NRXN3: variants seen among roughly 807,000 people sequenced by gnomAD.
NRXN3 encodes the protein neurexin 3.
In NRXN3, 32 loss-of-function variants were observed where a neutral mutation model predicts 137.6. The ratio of observed to expected loss-of-function variants is 0.23; its 90% confidence interval spans 0.18 to 0.31. The LOEUF is 0.31. Ranked by LOEUF, NRXN3 falls within the 10% of genes least tolerant of loss-of-function variation. The pLI is 1.00. For synonymous variants in NRXN3, 798 were observed against 784.5 expected, an observed-to-expected ratio of 1.02 and a Z score of -0.29; for missense variants, 1,574 against 2,062.5, an observed-to-expected ratio of 0.76 and a Z score of 4.59.
intron 9 of NRXN3, among the ~76,000 whole-genome samples, chr14:78,807,599 G>A (rs1301339651): frequency 6.6e-6 from 1 of 151,890 alleles, no homozygotes; most frequent in African/African-American, 2.4e-5. Context: ...CCTGGGCTTG[G>A]TGGTGCGTGC....
At chr14:78,654,148 C>T (rs2097768147) in intron 6 of NRXN3, among the ~76,000 whole-genome samples, 1 of 152,260 alleles carries the variant, frequency 6.6e-6, no homozygotes, top group South Asian at 2.1e-4. Flanking sequence ...TTTCTGTGGG[C>T]AGGTCTATGG....
At chr14:79,776,757 A>C (rs1222603674) in intron 19 of NRXN3, among the ~76,000 whole-genome samples, 1 of 152,216 alleles carries the variant, frequency 6.6e-6, no homozygotes, top group African/African-American at 2.4e-5. Context: ...CATGAAGGGC[A>C]TGAAGGAAGG....
intron 10 of NRXN3, among the ~76,000 whole-genome samples, chr14:78,866,767 C>T (rs988571224): frequency 1.3e-5 from 2 of 151,028 alleles, no homozygotes; most frequent in Non-Finnish European, 2.9e-5. Flanking sequence ...AAAATACTAC[C>T]ATGTTGCATG....
intron 16 of NRXN3, among the ~76,000 whole-genome samples, chr14:79,490,542 T>C (rs891953349): frequency 3.9e-5 from 6 of 152,130 alleles, no homozygotes; most frequent in Non-Finnish European, 8.8e-5. Flanking sequence ...GAGAACATTA[T>C]GTTAAGTGAA....
rs118103782 is a variant in NRXN3, at chr14:78,874,920, C to T, written c.2275+64576C>T. Reference sequence around the variant, plus strand: ...ATCTGTCCCACCAGGGTGTCAAGTCCGAGAGTGAGAATCCATCAATTAAAC... The same window carrying T: ...ATCTGTCCCACCAGGGTGTCAAGTCTGAGAGTGAGAATCCATCAATTAAAC... On this transcript the variant is annotated intron_variant, in intron 10 of 20. Transcript: ENST00000335750. Among the ~76,000 whole-genome samples, 56 of 152,198 alleles carry T rather than the reference C, an allele frequency of 3.7e-4. No homozygotes were observed. In the East Asian group the frequency reaches 8.7e-3, roughly 24 times the overall value.
At chr14:79,447,710 T>TGAG (rs2096086631) in intron 15 of NRXN3, among the ~76,000 whole-genome samples, 1 of 152,204 alleles carries the variant, frequency 6.6e-6, no homozygotes, top group Non-Finnish European at 1.5e-5. Flanking sequence ...AGGAAGTGCT[T>TGAG]TTACACCTTT....
chr14:79,259,835 C>T (rs1242371175), intron 15 of NRXN3, among the ~76,000 whole-genome samples: 1 of 151,734 alleles, frequency 6.6e-6, no homozygotes, highest in Non-Finnish European at 1.5e-5. Flanking sequence ...GGGTCATCTA[C>T]ATGGAGCACT....
chr14:79,028,744 G>T (rs1237205477), intron 15 of NRXN3, among the ~76,000 whole-genome samples: 2 of 152,094 alleles, frequency 1.3e-5, no homozygotes, highest in African/African-American at 4.8e-5. Flanking sequence ...GTCATTGGTT[G>T]GAGTTTCAGG....
chr14:79,165,134 A>C (rs1437846052), intron 15 of NRXN3, among the ~76,000 whole-genome samples: 1 of 151,994 alleles, frequency 6.6e-6, no homozygotes, highest in Non-Finnish European at 1.5e-5. Context: ...GTTATTGCCT[A>C]GTAAGAGATG....
At chr14:78,256,461 A>C (rs1417672730) in intron 2 of NRXN3, among the ~76,000 whole-genome samples, 1 of 152,242 alleles carries the variant, frequency 6.6e-6, no homozygotes, top group Non-Finnish European at 1.5e-5. Context: ...TATCAGGAGC[A>C]TGTGCCAGCA....
chr14:78,788,950 T>C (rs909497377), intron 8 of NRXN3, among the ~76,000 whole-genome samples: 1 of 152,170 alleles, frequency 6.6e-6, no homozygotes, highest in Admixed American at 6.5e-5. Flanking sequence ...TGATTCTGAA[T>C]GGGAGGCTGA....
At position 78,363,269 on chromosome 14, in the gene NRXN3, G is replaced by A. The variant is rs542003655; in HGVS notation, c.757+65409G>A. Among the ~76,000 whole-genome samples, 181 of 152,282 alleles carry A rather than the reference G, an allele frequency of 1.2e-3. 1 individual carries two copies. The highest frequency in any genetic ancestry group is 1.0e-3 in the Non-Finnish European group (71 of 68,018). ...ATGAAGCACTCCTCTAACCTCTGAT[G>A]TAGGTAAGCACTTGCCAAGCCTAGC... is the stretch of plus-strand genomic sequence containing the variant. On this transcript the variant is annotated intron_variant, in intron 4 of 20. Transcript: ENST00000335750.
At chr14:78,790,443 TC>T (rs2098801907) in intron 8 of NRXN3, among the ~76,000 whole-genome samples, 1 of 152,144 alleles carries the variant, frequency 6.6e-6, no homozygotes, top group Admixed American at 6.5e-5. Context: ...TCACCCCACA[TC>T]CATTTTGTTG....
chr14:79,026,780 A>G (rs970260638), intron 15 of NRXN3, among the ~76,000 whole-genome samples: 1 of 151,950 alleles, frequency 6.6e-6, no homozygotes, highest in African/African-American at 2.4e-5. Context: ...TCAGCTCTAC[A>G]GTCCTATCAC....
At chr14:79,604,391 T>C (rs1347789911) in intron 16 of NRXN3, among the ~76,000 whole-genome samples, 1 of 150,842 alleles carries the variant, frequency 6.6e-6, no homozygotes, top group Non-Finnish European at 1.5e-5. Context: ...CCTGCCACCA[T>C]GCCCAGCTAA....
chr14:78,566,443 G>A (rs2096836821), intron 4 of NRXN3, among the ~76,000 whole-genome samples: 1 of 151,620 alleles, frequency 6.6e-6, no homozygotes, highest in African/African-American at 2.4e-5. Context: ...ATCAGCAGCT[G>A]AGTAAGGGAA....
rs1445138089 is a variant in NRXN3, at chr14:79,666,341, T to G, written c.3616+2392T>G. Among the ~76,000 whole-genome samples, 21 of 152,106 alleles carry G rather than the reference T, an allele frequency of 1.4e-4. 1 individual carries two copies. Among genetic ancestry groups the G allele is most frequent in the Admixed American group, 1.4e-3 (21 of 15,248 alleles). On this transcript the variant is annotated intron_variant, in intron 17 of 20. Coordinates refer to ENST00000335750, the MANE Select transcript of NRXN3 (RefSeq NM_001330195.2). ...GTGAAGATTAAGTGAGTTGACCACA[T>G]GTATAATGCTGGGACAATTAAGTCA...
chr14:78,629,745 G>A lies in NRXN3; in HGVS notation c.758-15375G>A, dbSNP rs142006378. On this transcript the variant is annotated intron_variant, in intron 4 of 20. Coordinates refer to ENST00000335750, the MANE Select transcript of NRXN3 (RefSeq NM_001330195.2). ...TGATAATGAGCTAGATGACTGTGAG[G>A]TGCTATGGAATCTCAAAGACTCTTC... Among the ~76,000 whole-genome samples, 273 of 152,316 alleles carry A rather than the reference G, an allele frequency of 1.8e-3. 1 individual carries two copies. In the Middle Eastern group the frequency reaches 0.031, roughly 17 times the overall value.
At position 78,343,776 on chromosome 14, in the gene NRXN3, G is replaced by A. The variant is rs535025707; in HGVS notation, c.757+45916G>A. Among the ~76,000 whole-genome samples the A allele has an allele frequency of 2.0e-5, 3 of 152,284 alleles. No individual in the cohort carries two copies. The South Asian group carries it at 6.2e-4, about 32-fold the overall frequency. On this transcript the variant is annotated intron_variant, in intron 4 of 20. Coordinates refer to ENST00000335750, the MANE Select transcript of NRXN3 (RefSeq NM_001330195.2). ...CTGTTCTCCACCTTGGCCGCACATT[G>A]CAATCACCTGGGGAGACTTTAAAAG...
Sources: gnomAD v4.1 joint callset for allele counts (sites outside exome capture counted in the v4.1 genomes callset) on GRCh38, gnomAD v4.1.1 for gene constraint, MANE v1.5 for transcripts, NCBI Gene and HGNC (gene_info 2026-07-23, HGNC 2026-07-21) for gene names.